ZNF469: variants seen among roughly 807,000 people sequenced by gnomAD.
ZNF469 encodes the protein zinc finger protein 469.
In ZNF469, 1 loss-of-function variant was observed where a neutral mutation model predicts 1.0. The ratio of observed to expected loss-of-function variants is 1.00; its 90% CI spans 0.35 to 4.73. The LOEUF (loss-of-function observed/expected upper bound fraction) is 4.73, where lower values mean the gene tolerates loss of function less well. Among genes scored for constraint, ZNF469 ranks in the 30% most tolerant of loss-of-function variants. The pLI, the probability that ZNF469 is intolerant of heterozygous loss-of-function variation, is 0.16. For missense variants in ZNF469, 6,100 were observed against 5,356.3 expected, an observed-to-expected ratio of 1.14 and a Z score of -4.33; for synonymous variants, 2,703 against 2,363.4, an observed-to-expected ratio of 1.14 and a Z score of -4.17.
chr16:88,305,691 C>T, the ZNF469 span, among the ~76,000 whole-genome samples: 14 of 152,320 alleles, frequency 9.2e-5, no homozygotes, highest in East Asian at 1.9e-4. Context: ...CACATGCACA[C>T]GCATGACCAT....
chr16:88,238,513 G>A, the ZNF469 span, among the ~76,000 whole-genome samples: 1 of 152,206 alleles, frequency 6.6e-6, no homozygotes, highest in Non-Finnish European at 1.5e-5. Flanking sequence ...GTAGACCCGA[G>A]GTAGACTGCC....
the ZNF469 span, among the ~76,000 whole-genome samples, chr16:88,143,432 C>A: frequency 6.6e-6 from 1 of 152,304 alleles, no homozygotes; most frequent in African/African-American, 2.4e-5. Context: ...GGCTGTGTTC[C>A]TTGTTGCTGG....
chr16:88,274,815 C>T, the ZNF469 span, among the ~76,000 whole-genome samples: 3 of 152,202 alleles, frequency 2.0e-5, no homozygotes, highest in East Asian at 5.8e-4. Context: ...CACTCATGGC[C>T]GTAGGATCCT....
the ZNF469 span, among the ~76,000 whole-genome samples, chr16:88,372,843 TCAC>T: frequency 6.6e-6 from 1 of 151,622 alleles, no homozygotes; most frequent in African/African-American, 2.4e-5. Context: ...ATCTTTACCA[TCAC>T]CACCATCATC....
upstream of ZNF469, among the ~76,000 whole-genome samples, chr16:88,381,226 TCA>T (rs576084840): frequency 2.2e-3 from 182 of 81,294 alleles, 1 homozygote; most frequent in African/African-American, 8.2e-3. Flanking sequence ...AGACATGCAC[TCA>T]CACACGCACT....
chr16:88,211,869 A>G, the ZNF469 span, among the ~76,000 whole-genome samples: 2 of 152,154 alleles, frequency 1.3e-5, no homozygotes, highest in Admixed American at 1.3e-4. Context: ...TGAAAATGGG[A>G]AGTTCACCCA....
chr16:88,227,443 A>G, the ZNF469 span, among the ~76,000 whole-genome samples: 26 of 148,978 alleles, frequency 1.7e-4, no homozygotes, highest in African/African-American at 6.0e-4. Context: ...ACCGGCCTCC[A>G]GTCCCTCCCT....
At chr16:88,235,073 T>C in the ZNF469 span, among the ~76,000 whole-genome samples, 7 of 152,154 alleles carry the variant, frequency 4.6e-5, no homozygotes, top group Admixed American at 2.6e-4. Context: ...GGCCTTCTGG[T>C]GTGGGATCTG....
Position 88,433,167 on chromosome 16 carries a change from C to A in ZNF469, c.5697C>A (p.Ser1899Arg). The change falls in exon 3 of 3, where the codon AGC becomes AGA. Residue 1899 changes from serine (S) to arginine (R), a missense_variant. Ser to Arg is a moderately radical substitution (Grantham distance 110). Coordinates refer to ENST00000565624, the MANE Select transcript of ZNF469 (RefSeq NM_001367624.2). ...PSRRSQDPAL[S>R]PPIRQLQLPG... ...GGAGGTCCCAGGACCCAGCTTTGAG[C>A]CCCCCCATACGTCAGCTCCAGCTCC... The A allele has an allele frequency of 6.5e-7, 1 of 1,542,416 alleles. No individual in the cohort carries two copies. The highest frequency in any genetic ancestry group is 8.8e-7 in the Non-Finnish European group (1 of 1,139,878).
the ZNF469 span, among the ~76,000 whole-genome samples, chr16:88,143,294 T>G: frequency 6.6e-6 from 1 of 152,314 alleles, no homozygotes; most frequent in East Asian, 1.9e-4. Context: ...GAAGATGGAA[T>G]AGGTTAGCGT....
In ZNF469 at chr16:88,428,766, C is replaced by T. The variant is rs1905894287; in HGVS notation, c.1296C>T (p.Pro432=). ...PPDTELAAPG[P]PPARLPQLWD... ...ACACCGAGCTGGCCGCCCCAGGGCC[C>T]CCACCCGCCAGGCTGCCCCAGCTGT... Residue 432 remains proline (P), a synonymous_variant, in exon 3 of 3, where the codon CCC becomes CCT. Coordinates refer to ENST00000565624, the MANE Select transcript of ZNF469 (RefSeq NM_001367624.2). The T allele has an allele frequency of 1.9e-6, 3 of 1,545,756 alleles. No homozygotes were observed. Among genetic ancestry groups the T allele is most frequent in the African/African-American group, 2.7e-5 (2 of 73,098 alleles).
the ZNF469 span, among the ~76,000 whole-genome samples, chr16:88,272,351 T>G: frequency 8.0e-6 from 1 of 124,822 alleles, no homozygotes; most frequent in African/African-American, 3.2e-5. Flanking sequence ...GATGAATGAG[T>G]GGGTTGATGT....
intron 1 of ZNF469, among the ~76,000 whole-genome samples, chr16:88,401,477 GGAT>G (rs1904852954): frequency 6.6e-6 from 1 of 152,114 alleles, no homozygotes; most frequent in Non-Finnish European, 1.5e-5. Context: ...GCAGATGGAT[GGAT>G]GGATGGATGG....
At chr16:88,257,457 T>C in the ZNF469 span, among the ~76,000 whole-genome samples, 1 of 152,184 alleles carries the variant, frequency 6.6e-6, no homozygotes, top group African/African-American at 2.4e-5. Context: ...TCCCAGTCTG[T>C]GGCTTGTCTT....
In ZNF469 at chr16:88,435,319, C is replaced by T; in HGVS notation, c.7849C>T (p.Arg2617Ter). Reference protein sequence around the residue: ...AEKREGRRWRREPTVDSPSHS... With the variant: ...AEKREGRRWR ...AAAAAGAGAAGGCCGGAGGTGGCGC[C>T]GAGAGCCCACCGTGGACTCTCCTAG... is the stretch of plus-strand genomic sequence containing the variant. Residue 2617 changes from arginine (R) to a stop codon, truncating the protein, a stop_gained, in exon 3 of 3, where the codon CGA becomes TGA. Transcript: ENST00000565624. LOFTEE classifies it low-confidence loss of function (END_TRUNC). The T allele has an allele frequency of 1.3e-6, 2 of 1,550,304 alleles. No homozygotes were observed. The highest frequency in any genetic ancestry group is 1.7e-6 in the Non-Finnish European group (2 of 1,146,976).
the ZNF469 span, among the ~76,000 whole-genome samples, chr16:88,239,189 T>C: frequency 6.6e-6 from 1 of 152,182 alleles, no homozygotes; most frequent in African/African-American, 2.4e-5. Flanking sequence ...TGCCATCGGC[T>C]ATTCTCTGGG....
At chr16:88,191,186 T>A in the ZNF469 span, among the ~76,000 whole-genome samples, 8 of 151,828 alleles carry the variant, frequency 5.3e-5, no homozygotes, top group African/African-American at 1.9e-4. Context: ...GTTATTTTGT[T>A]CCCAGGAGTC....
chr16:88,250,376 T>G, the ZNF469 span, among the ~76,000 whole-genome samples: 1 of 152,248 alleles, frequency 6.6e-6, no homozygotes, highest in Admixed American at 6.5e-5. Flanking sequence ...TTCTGTTACA[T>G]GTAGCTCTAG....
chr16:88,234,968 G>C, the ZNF469 span: 1 of 152,426 alleles, frequency 6.6e-6, no homozygotes, highest in Admixed American at 6.5e-5. Context: ...GCGGCCGAGC[G>C]GGGTGGGGGC....
Sources: allele counts gnomAD v4.1 joint callset (sites outside exome capture counted in the v4.1 genomes callset), GRCh38; gene constraint gnomAD v4.1.1; transcripts MANE v1.5; gene names NCBI Gene and HGNC (gene_info 2026-07-23, HGNC 2026-07-21).